TANC1: variants seen among roughly 807,000 people sequenced by gnomAD.
TANC1 encodes protein TANC1.
Under a neutral mutation model 149.7 loss-of-function variants are expected in TANC1, and 77 were observed. The ratio of observed to expected loss-of-function variants is 0.51; its 90% confidence interval spans 0.43 to 0.62. The LOEUF (loss-of-function observed/expected upper bound fraction) is 0.62. Among genes scored for constraint, TANC1 ranks in the 20% least tolerant of loss-of-function variants. The pLI is 0.00. For missense variants in TANC1, 1,985 were observed against 2,321.8 expected (o/e 0.85, Z 2.98); for synonymous variants, 854 against 925.0 (o/e 0.92, Z 1.39).
intron 2 of TANC1, among the ~76,000 whole-genome samples, chr2:159,048,793 G>A (rs1372187459): frequency 6.6e-6 from 1 of 152,188 alleles, no homozygotes; most frequent in African/African-American, 2.4e-5. Flanking sequence ...AACAAAAGCA[G>A]AGTCTACTGA....
chr2:159,084,064 A>G (rs763660512), intron 3 of TANC1, among the ~76,000 whole-genome samples: 4 of 152,202 alleles, frequency 2.6e-5, no homozygotes, highest in Non-Finnish European at 4.4e-5. Context: ...ATCCTGGCCA[A>G]CATGGCGAAA....
At chr2:159,138,961 G>T (rs1198717183) in intron 5 of TANC1, among the ~76,000 whole-genome samples, 1 of 152,184 alleles carries the variant, frequency 6.6e-6, no homozygotes, top group Non-Finnish European at 1.5e-5. Context: ...TTTTGAATTT[G>T]CTTATTTATA....
intron 1 of TANC1, among the ~76,000 whole-genome samples, chr2:158,979,170 T>C (rs1288091656): frequency 6.6e-6 from 1 of 152,144 alleles, no homozygotes; most frequent in Non-Finnish European, 1.5e-5. Context: ...CCAGTTCAGT[T>C]TTTCCAAAGG....
intron 2 of TANC1, among the ~76,000 whole-genome samples, chr2:159,012,867 G>T (rs563257385): frequency 5.6e-4 from 86 of 152,220 alleles, no homozygotes; most frequent in Middle Eastern, 6.8e-3. Context: ...TTCTGTGGGG[G>T]GATGTAGGAG....
intron 2 of TANC1, among the ~76,000 whole-genome samples, chr2:159,023,216 G>C (rs190127624): frequency 6.6e-6 from 1 of 152,050 alleles, no homozygotes; most frequent in Non-Finnish European, 1.5e-5. Context: ...TGTCCAGGTG[G>C]AATAAAAGGA....
intron 2 of TANC1, among the ~76,000 whole-genome samples, chr2:159,033,690 T>C (rs1264957051): frequency 2.0e-5 from 3 of 151,744 alleles, no homozygotes; most frequent in African/African-American, 4.8e-5. Context: ...GACATGGGAG[T>C]GACAATAGGG....
At chr2:158,995,863 C>T (rs1333586194) in intron 1 of TANC1, among the ~76,000 whole-genome samples, 1 of 152,196 alleles carries the variant, frequency 6.6e-6, no homozygotes, top group Non-Finnish European at 1.5e-5. Context: ...AGGGCATCCA[C>T]CAGCCAGCCT....
rs1335013913 is a variant in TANC1 at position 159,104,174 on chromosome 2, G to A, written c.259+6340G>A. 4.2e-5 allele frequency among the ~76,000 whole-genome samples: 4 copies of A among 95,708 alleles called. 2 individuals are homozygous for A. Among genetic ancestry groups the A allele is most frequent in the Non-Finnish European group, 1.2e-4 (4 of 34,252 alleles). 62.8% of individuals were successfully genotyped at this position (95,708 alleles called of 152,430 possible). On this transcript the variant is annotated intron_variant, in intron 4 of 26. Coordinates refer to ENST00000263635, the MANE Select transcript of TANC1 (RefSeq NM_033394.3). ...CCTCCTGGAAACTTGTTATATGATG[G>A]CCTCCTTACTGCGTGCCCAGCTGTG...
chr2:159,056,004 C>G (rs1361647630), intron 2 of TANC1: 1 of 310,894 alleles, frequency 3.2e-6, no homozygotes, highest in African/African-American at 2.2e-5. Flanking sequence ...AGCATAAAAG[C>G]TTGTTGCCCC....
chr2:159,063,013 G>C (rs2042378179), intron 2 of TANC1, among the ~76,000 whole-genome samples: 1 of 143,516 alleles, frequency 7.0e-6, no homozygotes, highest in South Asian at 2.4e-4. Flanking sequence ...AAGCTCATGA[G>C]AGCTTTTGTT....
intron 1 of TANC1, 26 bp downstream of exon 1, chr2:158,968,808 C>T (rs62182242): frequency 0.021 from 3,165 of 152,530 alleles, 46 homozygotes; most frequent in Middle Eastern, 0.054. Flanking sequence ...CGGACTCCGC[C>T]GCGGGCCTGC....
intron 1 of TANC1, among the ~76,000 whole-genome samples, chr2:158,971,312 A>G (rs760014418): frequency 6.6e-6 from 1 of 152,208 alleles, no homozygotes; most frequent in Non-Finnish European, 1.5e-5. Flanking sequence ...CGTTGTTTCC[A>G]TTAGACATTT....
chr2:158,997,253 G>A (rs1323170693), intron 1 of TANC1, among the ~76,000 whole-genome samples: 3 of 152,146 alleles, frequency 2.0e-5, no homozygotes, highest in Non-Finnish European at 2.9e-5. Flanking sequence ...ATAGTGAAGG[G>A]GTGGTGGATG....
chr2:159,024,273 G>A (rs1051587044), intron 2 of TANC1, among the ~76,000 whole-genome samples: 1 of 152,164 alleles, frequency 6.6e-6, no homozygotes, highest in Non-Finnish European at 1.5e-5. Flanking sequence ...CCATTATAAT[G>A]TTATAGTGCA....
In TANC1 at chr2:159,224,237, G is replaced by A; in HGVS notation, c.3684G>A (p.Leu1228=). 5.6e-6 allele frequency: 9 copies of A among 1,614,128 alleles called. No individual in the cohort carries two copies. The highest frequency in any genetic ancestry group is 7.6e-6 in the Non-Finnish European group (9 of 1,180,036). Residue 1228 remains leucine (L), a synonymous_variant, in exon 23 of 27, where the codon CTG becomes CTA. Coordinates refer to ENST00000263635, the MANE Select transcript of TANC1 (RefSeq NM_033394.3). ...GGCTTCTGCTGTCTCTGCAGGTGCT[G>A]TACCTGGTGGAGAAGGGAGCCGTGA... ...AAFYGDAETV[L]YLVEKGAVIE...
chr2:159,136,788 C>CAAAAAAA (rs34488237), intron 5 of TANC1, among the ~76,000 whole-genome samples: 1 of 119,108 alleles, frequency 8.4e-6, no homozygotes, highest in Non-Finnish European at 1.7e-5. Context: ...GAAGTAGGAG[C>CAAAAAAA]AAAAAAAAAA....
In TANC1 at chr2:159,162,833, G is replaced by A. The variant is rs150418392; in HGVS notation, c.683-450G>A. Among the ~76,000 whole-genome samples, 265 of 152,188 alleles carry A rather than the reference G, an allele frequency of 1.7e-3. 1 individual carries two copies. Among genetic ancestry groups the A allele is most frequent in the African/African-American group, 5.9e-3 (247 of 41,526 alleles). The stretch of plus-strand genomic sequence containing the variant: ...GTTTCTAAAGATTTTCTCCTGCACC[G>A]TTTCTGCATTAACCATTCTGTTGTT... On this transcript the variant is annotated intron_variant, in intron 7 of 26. Coordinates refer to ENST00000263635, the MANE Select transcript of TANC1 (RefSeq NM_033394.3).
chr2:159,019,395 A>G (rs557984578), intron 2 of TANC1, among the ~76,000 whole-genome samples: 2 of 152,308 alleles, frequency 1.3e-5, no homozygotes, highest in Non-Finnish European at 2.9e-5. Context: ...GAGAAACTAG[A>G]AATCCTTATT....
intron 1 of TANC1, among the ~76,000 whole-genome samples, chr2:158,989,977 A>G (rs2035446842): frequency 1.3e-5 from 2 of 150,968 alleles, no homozygotes; most frequent in Non-Finnish European, 2.9e-5. Flanking sequence ...GTGCAGTGAT[A>G]CAATCTCGGT....
Sources: gnomAD v4.1 joint callset for allele counts (sites outside exome capture counted in the v4.1 genomes callset) on GRCh38, gnomAD v4.1.1 for gene constraint, MANE v1.5 for transcripts, NCBI Gene and HGNC (gene_info 2026-07-23, HGNC 2026-07-21) for gene names.